The following EHD4 variants were observed in gnomAD, a reference collection of about 807,000 sequenced individuals.
The protein encoded by EHD4 is EH domain containing 4, also known as EH domain-containing protein 4.
In EHD4, 37 loss-of-function variants were observed where a neutral mutation model predicts 51.0. That is an observed-to-expected ratio of 0.73 (90% CI 0.56 to 0.95). The LOEUF is 0.95. EHD4 is among the 40% of genes least tolerant of loss of function. EHD4 has a pLI of 0.00. For synonymous variants in EHD4, 297 were observed against 317.3 expected, an observed-to-expected ratio of 0.94 and a Z score of 0.68; for missense variants, 632 against 733.1, an observed-to-expected ratio of 0.86 and a Z score of 1.59.
chr15:41,936,960 G>T (rs1291315166), intron 3 of EHD4, among the ~76,000 whole-genome samples: 1 of 152,224 alleles, frequency 6.6e-6, no homozygotes, highest in African/African-American at 2.4e-5. Context: ...GCCCTGGCTG[G>T]AAAACAGGAT....
chr15:41,952,776 G>A (rs1757484054), intron 2 of EHD4, among the ~76,000 whole-genome samples: 1 of 151,972 alleles, frequency 6.6e-6, no homozygotes, highest in South Asian at 2.1e-4. Context: ...GATCACCTGA[G>A]GTCAGGAGTT....
At position 41,897,625 on chromosome 15, in the gene EHD4, T is replaced by C. The variant is rs2067448120; in HGVS notation, c.*3020A>G. On this transcript the variant is annotated 3_prime_UTR_variant, in exon 6 of 6. Transcript: ENST00000220325. ...ACCCCTCCCTGGGAGCTGGGGAGAT[T>C]CCCAAGTCTTAGTGCAGTGTTTCTC... 1 of 152,234 alleles carries C rather than the reference T, an allele frequency of 6.6e-6. No homozygotes were observed. The highest frequency in any genetic ancestry group is 1.5e-5 in the Non-Finnish European group (1 of 68,060). The allele number at this position is 152,234 out of a possible 1,614,324, so 9.4% of individuals were successfully genotyped here.
chr15:41,948,187 A>G (rs2067827891), intron 2 of EHD4, among the ~76,000 whole-genome samples: 1 of 151,932 alleles, frequency 6.6e-6, no homozygotes, highest in Non-Finnish European at 1.5e-5. Context: ...CGGGAGGCAG[A>G]GTTTGCAGTG....
chr15:41,914,806 A>G (rs6493011), intron 4 of EHD4, among the ~76,000 whole-genome samples: 73,932 of 147,690 alleles, frequency 0.5, 19,629 homozygotes, highest in African/African-American at 0.64. Flanking sequence ...TTTTTTTTGA[A>G]ATGGAGTCTT....
intron 4 of EHD4, among the ~76,000 whole-genome samples, chr15:41,917,159 C>T (rs955891143): frequency 2.0e-5 from 3 of 151,652 alleles, no homozygotes; most frequent in African/African-American, 4.8e-5. Context: ...CTCACTCTGT[C>T]GCCTAGGCTG....
intron 1 of EHD4, 131 bp from the exon 2 acceptor site, chr15:41,954,071 C>A: frequency 1.0e-6 from 1 of 965,684 alleles, no homozygotes; most frequent in Non-Finnish European, 1.5e-6. Flanking sequence ...AAGAAAAGCA[C>A]GCAATCCTCC....
At position 41,909,830 on chromosome 15, in the gene EHD4, C is replaced by A; in HGVS notation, c.958G>T (p.Glu320Ter). The A allele has an allele frequency of 6.2e-7, 1 of 1,614,230 alleles. No individual in the cohort carries two copies. The highest frequency in any genetic ancestry group is 8.5e-7 in the Non-Finnish European group (1 of 1,180,054). Residue 320 changes from glutamate (E) to a stop codon, truncating the protein, a stop_gained, in exon 5 of 6, where the codon GAG (glutamate) becomes TAG (stop). Transcript: ENST00000220325. LOFTEE classifies it high-confidence loss of function. ...HAYIISYLKKEMPSVFGKENK... is the reference protein window; with the variant it reads ...HAYIISYLKK ...TCCTTTCCAAATACACTTGGCATCT[C>A]CTTCTTCAGGTAGCTGATGATGTAG... is the stretch of plus-strand genomic sequence containing the variant.
rs2067536091 is a variant in EHD4 at position 41,909,716 on chromosome 15, C to T, written c.1072G>A (p.Glu358Lys). Residue 358 changes from glutamate to lysine, a missense_variant, in exon 5 of 6, where the codon GAG (glutamate) becomes AAG (lysine). Physicochemically the swap from Glu to Lys is moderately conservative, Grantham distance 56 (BLOSUM62 1). Transcript: ENST00000220325. Reference sequence around the variant, plus strand: ...CCCAGTACCTGCATAGCCTTGACCTCAGGGAAGTCCCCTGCAGAAATCTGG... The same window carrying T: ...CCCAGTACCTGCATAGCCTTGACCTTAGGGAAGTCCCCTGCAGAAATCTGG... ...EYQISAGDFP[E>K]VKAMQEQLEN... 6.2e-7 allele frequency: 1 copy of T among 1,614,086 alleles called. No homozygotes were observed. The highest frequency in any genetic ancestry group is 8.5e-7 in the Non-Finnish European group (1 of 1,180,042).
intron 2 of EHD4, among the ~76,000 whole-genome samples, chr15:41,949,124 C>A (rs554971988): frequency 6.7e-6 from 1 of 149,496 alleles, no homozygotes; most frequent in African/African-American, 2.5e-5. Flanking sequence ...AATCCCAGCA[C>A]TTTGGGAGGC....
Position 41,919,256 on chromosome 15 carries a change from G to A in EHD4, c.878C>T (p.Ala293Val), listed in dbSNP as rs756950488. The change falls in exon 4 of 6, where the codon GCG becomes GTG. Residue 293 changes from alanine to valine, a missense_variant. By Grantham distance (64) the Ala-to-Val change is moderately conservative. Coordinates refer to ENST00000220325, the MANE Select transcript of EHD4 (RefSeq NM_139265.4). ...GATGAGGTCGTTGAGCTTGCGCACC[G>A]CTGCCTTCTGGGGGAGGCTCTGGAT... Reference protein sequence around the residue: ...RDIQSLPQKAAVRKLNDLIKR... With the variant: ...RDIQSLPQKAVVRKLNDLIKR... 25 of 1,613,918 alleles carry A rather than the reference G, an allele frequency of 1.5e-5. No homozygotes were observed. The East Asian group carries it at 3.6e-4, about 23-fold the overall frequency.
chr15:41,906,952 G>A (rs939134646), intron 5 of EHD4, among the ~76,000 whole-genome samples: 4 of 152,198 alleles, frequency 2.6e-5, no homozygotes, highest in Non-Finnish European at 5.9e-5. Flanking sequence ...CTCCATCTCA[G>A]TGGGCCATGG....
chr15:41,900,678 G>C lies in EHD4; in HGVS notation c.1593C>G (p.Pro531=). Residue 531 remains proline, a synonymous_variant, in exon 6 of 6, where the codon CCC becomes CCG. Transcript: ENST00000220325. This position sits in a 1 kb window ranked among gnomAD's most constrained non-coding sequence, Gnocchi z 4.8. ...CCTTGGGCAGGGACTTCCTGTGCGAGGGGGGCACGAGGTGGGGGGGCAGGC... is the reference window on the plus strand; with the variant it reads ...CCTTGGGCAGGGACTTCCTGTGCGACGGGGGCACGAGGTGGGGGGGCAGGC... The part of the protein sequence containing the change: ...PSSLPPHLVP[P]SHRKSLPKAD The C allele has an allele frequency of 6.2e-7, 1 of 1,602,464 alleles. No individual in the cohort carries two copies. The highest frequency in any genetic ancestry group is 1.3e-5 in the African/African-American group (1 of 74,986).
chr15:41,914,336 G>A (rs191287377), intron 4 of EHD4, among the ~76,000 whole-genome samples: 1 of 147,268 alleles, frequency 6.8e-6, no homozygotes, highest in Admixed American at 6.7e-5. Flanking sequence ...TAAAGCCAGG[G>A]TATCAGCACG....
At chr15:41,907,095 G>A (rs920876591) in intron 5 of EHD4, among the ~76,000 whole-genome samples, 5 of 152,116 alleles carry the variant, frequency 3.3e-5, no homozygotes, top group African/African-American at 1.2e-4. Flanking sequence ...CTACATTATC[G>A]GGCTCACAGG....
chr15:41,961,991 T>A (rs2067927223), intron 1 of EHD4, among the ~76,000 whole-genome samples: 1 of 152,110 alleles, frequency 6.6e-6, no homozygotes, highest in Non-Finnish European at 1.5e-5. Flanking sequence ...TCCTTACATA[T>A]CAGCAATACC....
At position 41,963,547 on chromosome 15, in the gene EHD4, C is replaced by T. The variant is rs1376976706; in HGVS notation, c.236+8712G>A. Among the ~76,000 whole-genome samples the T allele has an allele frequency of 2.7e-5, 4 of 146,722 alleles. No individual in the cohort carries two copies. In the South Asian group the frequency reaches 6.4e-4, roughly 24 times the overall value. ...CTGGAAGGTGGAGGTTGCAGTGAGC[C>T]GAGAACGTGCTACTGCACTCCAGTG... On this transcript the variant is annotated intron_variant, in intron 1 of 5. Transcript: ENST00000220325.
At chr15:41,905,572 C>G (rs2067506966) in intron 5 of EHD4, among the ~76,000 whole-genome samples, 1 of 152,226 alleles carries the variant, frequency 6.6e-6, no homozygotes, top group South Asian at 2.1e-4. Flanking sequence ...TATCAGACAT[C>G]AGATAATTCA....
rs1259272626 is a variant in EHD4 at position 41,898,708 on chromosome 15, G to A, written c.*1937C>T. On this transcript the variant is annotated 3_prime_UTR_variant, in exon 6 of 6. Transcript: ENST00000220325. Reference sequence around the variant, plus strand: ...AAAAATTAGCCGGGCGTGGTGGCGGGTGCCTGTAGTCCCAGCTACTTGGGA... The same window carrying A: ...AAAAATTAGCCGGGCGTGGTGGCGGATGCCTGTAGTCCCAGCTACTTGGGA... The A allele has an allele frequency of 6.6e-6, 1 of 152,174 alleles. No individual in the cohort carries two copies. Among genetic ancestry groups the A allele is most frequent in the Non-Finnish European group, 1.5e-5 (1 of 68,050 alleles). The allele number at this position is 152,174 out of a possible 1,614,324, so 9.4% of individuals were successfully genotyped here. A position where few individuals can be genotyped will look rare whatever the true frequency, so the allele number is the denominator to read the frequency against.
At chr15:41,921,362 G>A (rs2067623927) in intron 3 of EHD4, 1 of 152,194 alleles carries the variant, frequency 6.6e-6, no homozygotes, top group Non-Finnish European at 1.5e-5. Context: ...TTAGGTCAGA[G>A]GAATATCAAA....
Sources: allele counts gnomAD v4.1 joint callset (sites outside exome capture counted in the v4.1 genomes callset), GRCh38; gene constraint gnomAD v4.1.1; non-coding constraint Gnocchi (gnomAD v3.1); transcripts MANE v1.5; gene names NCBI Gene and HGNC (gene_info 2026-07-23, HGNC 2026-07-21).